Variants in SLC25A20 observed in about 807,000 individuals in gnomAD.
SLC25A20 encodes the protein solute carrier family 25 member 20.
In SLC25A20, 29 loss-of-function variants were observed where a neutral mutation model predicts 39.7. That is an observed-to-expected ratio of 0.73 (90% CI 0.54 to 1.00). The LOEUF (loss-of-function observed/expected upper bound fraction) is 1.00, where lower values mean the gene tolerates loss of function less well. Among genes scored for constraint, SLC25A20 ranks in the 50% least tolerant of loss-of-function variants. The pLI is 0.00. For synonymous variants in SLC25A20, 103 were observed against 142.2 expected, an observed-to-expected ratio of 0.72 and a Z score of 1.96; for missense variants, 333 against 379.9, an observed-to-expected ratio of 0.88 and a Z score of 1.03.
chr3:48,875,299 C>T (rs2083747440), intron 4 of SLC25A20, among the ~76,000 whole-genome samples: 1 of 151,908 alleles, frequency 6.6e-6, no homozygotes, highest in African/African-American at 2.4e-5. Flanking sequence ...GACAGGATTT[C>T]ACCATCTTGG....
At chr3:48,874,137 C>G (rs971318049) in intron 4 of SLC25A20, among the ~76,000 whole-genome samples, 1 of 151,348 alleles carries the variant, frequency 6.6e-6, no homozygotes, top group Admixed American at 6.6e-5. Context: ...ACTAAAAATA[C>G]AAAAATTAGC....
At chr3:48,871,824 T>G (rs1211660771) in intron 4 of SLC25A20, among the ~76,000 whole-genome samples, 2 of 150,780 alleles carry the variant, frequency 1.3e-5, no homozygotes, top group Non-Finnish European at 3.0e-5. Flanking sequence ...TATGTCCAAT[T>G]GATTCGTTTT....
intron 1 of SLC25A20, chr3:48,895,754 C>A (rs954414358): frequency 4.4e-6 from 2 of 456,444 alleles, no homozygotes; most frequent in Non-Finnish European, 8.8e-6. Flanking sequence ...GGCCACCATA[C>A]CTTTACATCC....
At chr3:48,859,006 C>T (rs1575977826) in intron 7 of SLC25A20, 86 bp downstream of exon 7, 8 of 1,041,614 alleles carry the variant, frequency 7.7e-6, no homozygotes, top group Non-Finnish European at 1.2e-5. Context: ...GTGAGTATCC[C>T]TAGGGCCTTA....
chr3:48,860,856 C>A (rs1399986891), intron 5 of SLC25A20, among the ~76,000 whole-genome samples: 1 of 136,750 alleles, frequency 7.3e-6, no homozygotes, highest in South Asian at 2.3e-4. Context: ...TTTTTTGAGA[C>A]GGAGTCTCGC....
rs1376379368 is a variant in SLC25A20, at chr3:48,898,774, G to A, written c.21C>T (p.Pro7=). Residue 7 remains proline (P), a synonymous_variant, in exon 1 of 9, where the codon CCC becomes CCT. Transcript: ENST00000319017. ...CCAGCAGGTTCTTGAGCGGGCTGAT[G>A]GGTTTTGGCTGGTCGGCCATGGTCA... MADQPK[P]ISPLKNLLAG... The A allele has an allele frequency of 1.9e-6, 3 of 1,595,284 alleles. No homozygotes were observed. The African/African-American group carries it at 4.0e-5, about 21-fold the overall frequency.
At position 48,898,875 on chromosome 3, in the gene SLC25A20, G is replaced by A. The variant is rs2083930913; in HGVS notation, c.-81C>T. On this transcript the variant is annotated 5_prime_UTR_variant, in exon 1 of 9. Coordinates refer to ENST00000319017, the MANE Select transcript of SLC25A20 (RefSeq NM_000387.6). ...CCCCAGCTGCAGTGCCGGCGCCGCC[G>A]ACCTTTCACCCACTTTTGGGTGGGC... 14 of 1,400,576 alleles carry A rather than the reference G, an allele frequency of 1.0e-5. No homozygotes were observed. The highest frequency in any genetic ancestry group is 1.3e-5 in the Non-Finnish European group (13 of 1,010,836). 86.8% of individuals were successfully genotyped at this position (1,400,576 alleles called of 1,614,324 possible).
intron 4 of SLC25A20, among the ~76,000 whole-genome samples, chr3:48,867,411 A>ATTTTTTTTTTTTTTTTTTTTTTTTTTTT (rs58122933): frequency 3.7e-5 from 4 of 108,388 alleles, no homozygotes; most frequent in Admixed American, 1.2e-4. Context: ...TGCCTGGGTA[A>ATTTTTTTTTTTTTTTTTTTTTTTTTTTT]TTTTTTTTTT....
chr3:48,878,113 T>C (rs535319661), intron 4 of SLC25A20, among the ~76,000 whole-genome samples: 7 of 151,444 alleles, frequency 4.6e-5, no homozygotes, highest in Non-Finnish European at 1.0e-4. Context: ...ATACAAAAAT[T>C]AGGTGGGCGT....
At chr3:48,874,464 C>CAA (rs1220746425) in intron 4 of SLC25A20, among the ~76,000 whole-genome samples, 4 of 128,562 alleles carry the variant, frequency 3.1e-5, no homozygotes, top group African/African-American at 2.9e-5. Flanking sequence ...AGACCTTGTC[C>CAA]AAAAAAAAAA....
intron 4 of SLC25A20, among the ~76,000 whole-genome samples, chr3:48,879,117 C>A (rs557549226): frequency 6.6e-6 from 1 of 152,146 alleles, no homozygotes; most frequent in East Asian, 1.9e-4. Flanking sequence ...GTGATCCATC[C>A]TCCTCGGCTC....
At chr3:48,862,824 T>C (rs537527474) in intron 4 of SLC25A20, among the ~76,000 whole-genome samples, 165 bp from the exon 5 acceptor site, 1 of 152,146 alleles carries the variant, frequency 6.6e-6, no homozygotes, top group Non-Finnish European at 1.5e-5. Flanking sequence ...GCAGGTACTA[T>C]GAAATAAGGC....
intron 2 of SLC25A20, among the ~76,000 whole-genome samples, chr3:48,886,650 A>G (rs1263956343): frequency 6.6e-6 from 1 of 152,162 alleles, no homozygotes; most frequent in Admixed American, 6.6e-5. Context: ...AGAATGAAGG[A>G]AAGAGATAAA....
At chr3:48,877,210 T>A (rs2083765220) in intron 4 of SLC25A20, among the ~76,000 whole-genome samples, 1 of 151,066 alleles carries the variant, frequency 6.6e-6, no homozygotes, top group Admixed American at 6.6e-5. Flanking sequence ...AGGTCAGGAA[T>A]TCGAGACCAG....
chr3:48,897,887 T>G lies in SLC25A20; in HGVS notation c.105+803A>C, dbSNP rs1032340634. 3.1e-4 allele frequency among the ~76,000 whole-genome samples: 47 copies of G among 152,118 alleles called. 1 individual carries two copies. Among genetic ancestry groups the G allele is most frequent in the Admixed American group, 3.1e-3 (47 of 15,248 alleles). On this transcript the variant is annotated intron_variant, in intron 1 of 8. Coordinates refer to ENST00000319017, the MANE Select transcript of SLC25A20 (RefSeq NM_000387.6). ...TGAGAAAACTGGATGCAGCTTCGAG[T>G]GCTAAGCCATGGGGGATGGACTTTG... is the stretch of plus-strand genomic sequence containing the variant.
At chr3:48,867,699 AGAG>A (rs2083682605) in intron 4 of SLC25A20, among the ~76,000 whole-genome samples, 1 of 150,932 alleles carries the variant, frequency 6.6e-6, no homozygotes, top group Admixed American at 6.6e-5. Flanking sequence ...TGGCTGGGCA[AGAG>A]GAGATGGGAT....
chr3:48,895,645 G>T (rs2106669452), intron 1 of SLC25A20: 4 of 275,324 alleles, frequency 1.5e-5, no homozygotes, highest in South Asian at 7.0e-5. Context: ...TCTTGTATTT[G>T]TCAGGGCCTT....
chr3:48,882,782 G>A (rs928563450), intron 3 of SLC25A20, among the ~76,000 whole-genome samples: 3 of 152,092 alleles, frequency 2.0e-5, no homozygotes, highest in South Asian at 4.1e-4. Flanking sequence ...CCAGCTACTT[G>A]GGGGGCTGAG....
At chr3:48,872,531 A>G (rs2083724645) in intron 4 of SLC25A20, among the ~76,000 whole-genome samples, 1 of 151,932 alleles carries the variant, frequency 6.6e-6, no homozygotes, top group African/African-American at 2.4e-5. Flanking sequence ...GAAAAAAAAA[A>G]GAACTCTGTC....
Sources: allele counts gnomAD v4.1 joint callset (sites outside exome capture counted in the v4.1 genomes callset), GRCh38; gene constraint gnomAD v4.1.1; transcripts MANE v1.5; gene names NCBI Gene and HGNC (gene_info 2026-07-23, HGNC 2026-07-21).